The following MICB variants were observed in gnomAD, a reference collection of about 807,000 sequenced individuals.
MICB encodes MHC class I polypeptide-related sequence B, also known as MHC class I antigen-related protein B.
MICB carries 27 observed loss-of-function variants against 34.3 expected under a neutral mutation model. The ratio of observed to expected loss-of-function variants is 0.79; its 90% CI spans 0.58 to 1.08. The LOEUF is 1.08. MICB is among the 50% of genes least tolerant of loss of function. The pLI, the probability that MICB is intolerant of heterozygous loss-of-function variation, is 0.00. For missense variants in MICB, 426 were observed against 483.1 expected, an observed-to-expected ratio of 0.88 and a Z score of 1.11; for synonymous variants, 153 against 187.4, an observed-to-expected ratio of 0.82 and a Z score of 1.50.
intron 1 of MICB, 43 bp downstream of exon 1, chr6:31,498,306 G>A (rs114766555): frequency 0.022 from 33,346 of 1,494,004 alleles, 505 homozygotes; most frequent in African/African-American, 0.039. Flanking sequence ...CGGGAGCGGC[G>A]GGGCGTTTCC....
intron 5 of MICB, among the ~76,000 whole-genome samples, chr6:31,508,534 C>T (rs1406593628): frequency 6.6e-5 from 10 of 152,136 alleles, no homozygotes; most frequent in Admixed American, 5.2e-4. Context: ...TGGGAAGGTT[C>T]GTCCCCTGCC....
upstream of MICB, among the ~76,000 whole-genome samples, chr6:31,495,570 CA>C (rs991110456): frequency 9.3e-4 from 141 of 152,120 alleles, no homozygotes; most frequent in African/African-American, 3.2e-3. Flanking sequence ...ATTACATTTT[CA>C]TCCACAGAAA....
chr6:31,498,824 C>T (rs1038857703), intron 1 of MICB: 51 of 163,914 alleles, frequency 3.1e-4, no homozygotes, highest in Middle Eastern at 2.5e-3. Context: ...TCTGGTCTCT[C>T]CTGCACTTGC....
intron 5 of MICB, among the ~76,000 whole-genome samples, chr6:31,509,272 C>T (rs1765527626): frequency 6.6e-6 from 1 of 152,172 alleles, no homozygotes; most frequent in Non-Finnish European, 1.5e-5. Context: ...CCTGCTGGGC[C>T]CCCCAGGCTT....
upstream of MICB, among the ~76,000 whole-genome samples, chr6:31,496,116 T>A (rs758405277): frequency 1.4e-4 from 21 of 152,174 alleles, no homozygotes; most frequent in Non-Finnish European, 2.5e-4. Context: ...ACTCTCCAGG[T>A]GGTTCTACGC....
intron 5 of MICB, among the ~76,000 whole-genome samples, chr6:31,508,053 TC>T (rs1410656885): frequency 6.6e-6 from 1 of 152,080 alleles, no homozygotes; most frequent in East Asian, 1.9e-4. Context: ...TCCCTGAGTT[TC>T]CTTGCAGATG....
intron 5 of MICB, among the ~76,000 whole-genome samples, chr6:31,509,040 A>G (rs1160279590): frequency 6.6e-6 from 1 of 152,160 alleles, no homozygotes; most frequent in Admixed American, 6.5e-5. Flanking sequence ...TGCTAGGGAC[A>G]GAGCAGGAAG....
At chr6:31,509,016 CT>C (rs2150295202) in intron 5 of MICB, among the ~76,000 whole-genome samples, 1 of 152,220 alleles carries the variant, frequency 6.6e-6, no homozygotes, top group African/African-American at 2.4e-5. Context: ...GGGCAGTGGC[CT>C]GGGTGGAATC....
upstream of MICB, among the ~76,000 whole-genome samples, chr6:31,496,358 C>CTTT: frequency 8.7e-6 from 1 of 114,854 alleles, no homozygotes; most frequent in Non-Finnish European, 1.7e-5. Context: ...GATTTTCTTC[C>CTTT]TTTTTTTCTT....
chr6:31,509,721 C>G, intron 5 of MICB, 61 bp from the exon 6 acceptor site: 1 of 1,488,324 alleles, frequency 6.7e-7, no homozygotes, highest in Non-Finnish European at 9.0e-7. Context: ...GAGAAAAGTC[C>G]TTAGGGAATA....
At chr6:31,498,345 TGTGCGGTCAGGGCGGG>T in intron 1 of MICB, 82 bp downstream of exon 1, 1 of 1,196,634 alleles carries the variant, frequency 8.4e-7, no homozygotes, top group Non-Finnish European at 1.1e-6. Flanking sequence ...CCGCGAGCGC[TGTGCGGTCAGGGCGGG>T]GCTCAGGTGT....
In MICB at chr6:31,498,157, A is replaced by G. The variant is rs1351831975; in HGVS notation, c.-37A>G. 3 of 1,545,270 alleles carry G rather than the reference A, an allele frequency of 1.9e-6. No homozygotes were observed. Among genetic ancestry groups the G allele is most frequent in the Non-Finnish European group, 1.8e-6 (2 of 1,137,726 alleles). ...TCTCACGGGTTTCATTCAGTTGGCC[A>G]CTGCTGAGCAGCTGAGAAGGTGGCG... On this transcript the variant is annotated 5_prime_UTR_variant, in exon 1 of 6. Coordinates refer to ENST00000252229, the MANE Select transcript of MICB (RefSeq NM_005931.5).
chr6:31,505,874 G>A lies in MICB; in HGVS notation c.325+3G>A. 1 of 1,597,954 alleles carries A rather than the reference G, an allele frequency of 6.3e-7. No individual in the cohort carries two copies. Among genetic ancestry groups the A allele is most frequent in the Non-Finnish European group, 8.5e-7 (1 of 1,172,016 alleles). On this transcript the variant is annotated splice_donor_region_variant and intron_variant, in intron 2 of 5. Transcript: ENST00000252229. The stretch of plus-strand genomic sequence containing the variant: ...TCATATCAAGGACCAGAAAGGAGGT[G>A]AGAGTCGGCAGGGGCAAGAGTAATG...
At chr6:31,509,661 C>T in intron 5 of MICB, 121 bp from the exon 6 acceptor site, 1 of 1,288,460 alleles carries the variant, frequency 7.8e-7, no homozygotes, top group Non-Finnish European at 1.0e-6. Flanking sequence ...AAGTGGGGGC[C>T]TCATCTTCTC....
chr6:31,496,413 C>T (rs1337145036), upstream of MICB, among the ~76,000 whole-genome samples: 1 of 137,986 alleles, frequency 7.2e-6, no homozygotes, highest in East Asian at 2.1e-4. Flanking sequence ...GTTGCCCAGG[C>T]TGGAGTGCAG....
rs115339407 is a variant in MICB at position 31,510,491 on chromosome 6, G to A, written c.*582G>A. 1,368 of 152,120 alleles carry A rather than the reference G, an allele frequency of 9.0e-3. 9 individuals carry two copies. Among genetic ancestry groups the A allele is most frequent in the Middle Eastern group, 0.074 (22 of 296 alleles). The allele number at this position is 152,120 out of a possible 1,614,324, so 9.4% of individuals were successfully genotyped here. ...TGTTCAGTCCAATACAGGGTTGTGG[G>A]GCCCTTAACAGTGCCATATTAATTG... On this transcript the variant is annotated 3_prime_UTR_variant, in exon 6 of 6. Transcript: ENST00000252229.
chr6:31,498,895 C>A (rs1004849028), intron 1 of MICB, among the ~76,000 whole-genome samples: 4 of 152,166 alleles, frequency 2.6e-5, no homozygotes, highest in Non-Finnish European at 4.4e-5. Flanking sequence ...TCTGAGGCCC[C>A]TGGGTTCCCG....
chr6:31,503,955 G>A lies in MICB; in HGVS notation c.71-1662G>A, dbSNP rs927992651. The stretch of plus-strand genomic sequence containing the variant: ...TACCTCCTTGCCAAACTTGCTGTGT[G>A]TGTGTGTGTGTGTGTGTGTGTGTGT... On this transcript the variant is annotated intron_variant, in intron 1 of 5. Coordinates refer to ENST00000252229, the MANE Select transcript of MICB (RefSeq NM_005931.5). Among the ~76,000 whole-genome samples, 6 of 65,320 alleles carry A rather than the reference G, an allele frequency of 9.2e-5. No individual in the cohort carries two copies. The Admixed American group carries it at 9.2e-4, about 10-fold the overall frequency. The allele number at this position is 65,320 out of a possible 152,430, so 42.9% of individuals were successfully genotyped here. A position where few individuals can be genotyped will look rare whatever the true frequency, so the allele number is the denominator to read the frequency against.
chr6:31,498,085 A>C (rs1293598987), upstream of MICB: 2 of 824,732 alleles, frequency 2.4e-6, no homozygotes, highest in Non-Finnish European at 3.6e-6. Context: ...TTCACTGGAT[A>C]AGCGGTCGCT....
Sources: allele counts gnomAD v4.1 joint callset (sites outside exome capture counted in the v4.1 genomes callset), GRCh38; gene constraint gnomAD v4.1.1; transcripts MANE v1.5; gene names NCBI Gene and HGNC (gene_info 2026-07-23, HGNC 2026-07-21).